ADAMTS17: variants seen among roughly 807,000 people sequenced by gnomAD.
The protein encoded by ADAMTS17 is ADAM metallopeptidase with thrombospondin type 1 motif 17.
A neutral mutation model predicts 141.5 loss-of-function variants in ADAMTS17; 113 were observed. That is an observed-to-expected ratio of 0.80 (90% CI 0.69 to 0.93). The LOEUF (loss-of-function observed/expected upper bound fraction) is 0.93. Ranked by LOEUF, ADAMTS17 falls within the 40% of genes least tolerant of loss-of-function variation. ADAMTS17 has a pLI of 0.00. For missense variants in ADAMTS17, 1,659 were observed against 1,517.9 expected (o/e 1.09, Z -1.54); for synonymous variants, 768 against 630.6 (o/e 1.22, Z -3.27).
intron 20 of ADAMTS17, among the ~76,000 whole-genome samples, chr15:99,977,418 TTTTTTTTTTTTG>T (rs2060385937): frequency 1.1e-5 from 1 of 88,888 alleles, no homozygotes; most frequent in African/African-American, 4.9e-5. Context: ...TTTTTTTTTT[TTTTTTTTTTTTG>T]AGATGGAGTC....
At chr15:100,152,492 T>G in intron 10 of ADAMTS17, 120 bp downstream of exon 10, 1 of 1,322,294 alleles carries the variant, frequency 7.6e-7, no homozygotes, top group Middle Eastern at 2.1e-4. Context: ...ATACCTGTGC[T>G]TGTGTGTGTA....
Position 100,286,965 on chromosome 15 carries a change from G to A in ADAMTS17, c.617-5564C>T, listed in dbSNP as rs7494871. On this transcript the variant is annotated intron_variant, in intron 3 of 21. Coordinates refer to ENST00000268070, the MANE Select transcript of ADAMTS17 (RefSeq NM_139057.4). ...TGGACTTTGCAAGGCCGAAGTGGGC[G>A]GATCACAAGGTCAAGAGATCGAGAC... 3.5e-3 allele frequency among the ~76,000 whole-genome samples: 527 copies of A among 152,282 alleles called. 2 individuals carry two copies. The highest frequency in any genetic ancestry group is 0.011 in the African/African-American group (475 of 41,546).
intron 10 of ADAMTS17, among the ~76,000 whole-genome samples, chr15:100,133,890 A>G (rs1193919921): frequency 1.3e-5 from 1 of 74,200 alleles, no homozygotes; most frequent in African/African-American, 3.9e-5. Flanking sequence ...AGCTCAGCTG[A>G]GCTGTGCACA....
intron 3 of ADAMTS17, among the ~76,000 whole-genome samples, chr15:100,282,581 C>T (rs140550498): frequency 6.6e-6 from 1 of 152,342 alleles, no homozygotes; most frequent in East Asian, 1.9e-4. Context: ...CTCAAAATCG[C>T]TCATTGTACT....
At position 99,973,464 on chromosome 15, in the gene ADAMTS17, G is replaced by A. The variant is rs1278764606; in HGVS notation, c.*938C>T. On this transcript the variant is annotated 3_prime_UTR_variant, in exon 22 of 22. Transcript: ENST00000268070. ...GGTCGGTAGAAAGCCACTGGGATGT[G>A]GTACAGCATCTCTAAGGTACAAAGC... The A allele has an allele frequency of 6.6e-6, 1 of 152,248 alleles. No homozygotes were observed. Among genetic ancestry groups the A allele is most frequent in the Non-Finnish European group, 1.5e-5 (1 of 68,084 alleles). The allele number at this position is 152,248 out of a possible 1,614,324, so 9.4% of individuals were successfully genotyped here. A position where few individuals can be genotyped will look rare whatever the true frequency, so the allele number is the denominator to read the frequency against.
rs565703977 is a variant in ADAMTS17, at chr15:100,161,906, G to C, written c.1182-6586C>G. 2.4e-4 allele frequency among the ~76,000 whole-genome samples: 37 copies of C among 152,306 alleles called. No homozygotes were observed. In the South Asian group the frequency reaches 7.7e-3, roughly 32 times the overall value. On this transcript the variant is annotated intron_variant, in intron 8 of 21. Coordinates refer to ENST00000268070, the MANE Select transcript of ADAMTS17 (RefSeq NM_139057.4). The stretch of plus-strand genomic sequence containing the variant: ...CGGAGAAGGTATTTGTTTGTGTTTT[G>C]TACAGAAAAATGAGCCCACCAGCTT...
At chr15:100,032,611 T>A (rs1436600125) in intron 18 of ADAMTS17, among the ~76,000 whole-genome samples, 4 of 152,184 alleles carry the variant, frequency 2.6e-5, no homozygotes, top group Non-Finnish European at 5.9e-5. Context: ...TTGCCCCGCT[T>A]TTGGATATCA....
intron 14 of ADAMTS17, among the ~76,000 whole-genome samples, chr15:100,099,725 A>G (rs1240900835): frequency 6.6e-6 from 1 of 151,962 alleles, no homozygotes; most frequent in Non-Finnish European, 1.5e-5. Context: ...CCACGGCATA[A>G]TTAAAGGCAT....
intron 7 of ADAMTS17, among the ~76,000 whole-genome samples, chr15:100,242,218 C>T (rs1160577386): frequency 2.0e-5 from 3 of 152,196 alleles, no homozygotes; most frequent in East Asian, 1.9e-4. Context: ...GCAATGGCTT[C>T]GGCATGACTG....
intron 7 of ADAMTS17, among the ~76,000 whole-genome samples, chr15:100,230,511 G>C (rs543568109): frequency 6.6e-6 from 1 of 152,296 alleles, no homozygotes; most frequent in African/African-American, 2.4e-5. Context: ...GGAGGAAACG[G>C]GGTTAGACTG....
At chr15:100,156,946 G>A (rs566419677) in intron 8 of ADAMTS17, among the ~76,000 whole-genome samples, 23 of 152,338 alleles carry the variant, frequency 1.5e-4, no homozygotes, top group African/African-American at 5.1e-4. Flanking sequence ...ACTTGAAACT[G>A]GGCAATTTTT....
chr15:100,254,326 G>A (rs757409190), intron 6 of ADAMTS17, 147 bp from the exon 7 acceptor site: 50 of 750,508 alleles, frequency 6.7e-5, no homozygotes, highest in Admixed American at 3.4e-4. Flanking sequence ...AAACAGCAGC[G>A]TTTGGCAACA....
rs528236863 is a variant in ADAMTS17, at chr15:100,030,648, T to C, written c.2591+18209A>G. On this transcript the variant is annotated intron_variant, in intron 18 of 21. Coordinates refer to ENST00000268070, the MANE Select transcript of ADAMTS17 (RefSeq NM_139057.4). ...GATGATACTATCTAAAGTTCACAAG[T>C]AGAGAGCTCAGAAGCATTCAAGAGG... Among the ~76,000 whole-genome samples, 4 of 152,302 alleles carry C rather than the reference T, an allele frequency of 2.6e-5. No homozygotes were observed. In the South Asian group the frequency reaches 8.3e-4, roughly 32 times the overall value.
intron 7 of ADAMTS17, among the ~76,000 whole-genome samples, chr15:100,202,136 G>A (rs1307090615): frequency 1.3e-5 from 2 of 152,150 alleles, no homozygotes; most frequent in African/African-American, 2.4e-5. Context: ...ATGCAGAACC[G>A]GCAGACCTCA....
At chr15:100,264,741 C>T (rs1257808949) in intron 4 of ADAMTS17, among the ~76,000 whole-genome samples, 6 of 151,942 alleles carry the variant, frequency 3.9e-5, no homozygotes, top group Non-Finnish European at 8.8e-5. Context: ...CAGTCGCCTC[C>T]CTTGGAACAA....
intron 14 of ADAMTS17, among the ~76,000 whole-genome samples, chr15:100,097,503 C>G (rs1194483272): frequency 2.0e-5 from 3 of 152,264 alleles, no homozygotes; most frequent in African/African-American, 7.2e-5. Context: ...GCAGGCAGGG[C>G]TTAGAGCTAG....
Position 100,077,237 on chromosome 15 carries a change from AG to A in ADAMTS17, c.2137+19118del, listed in dbSNP as rs946003464. On this transcript the variant is annotated intron_variant, in intron 15 of 21. Coordinates refer to ENST00000268070, the MANE Select transcript of ADAMTS17 (RefSeq NM_139057.4). ...GACAGGTGGAACACTTGAGGCCAGG[AG>A]TTTGCAACCAGCCTGGCCAACATGG... is the stretch of plus-strand genomic sequence containing the variant. Among the ~76,000 whole-genome samples the A allele has an allele frequency of 4.7e-5, 6 of 126,646 alleles. No individual in the cohort carries two copies. In the East Asian group the frequency reaches 7.9e-4, roughly 17 times the overall value. 83.1% of individuals were successfully genotyped at this position (126,646 alleles called of 152,430 possible).
intron 2 of ADAMTS17, among the ~76,000 whole-genome samples, chr15:100,339,635 CG>C (rs2141991198): frequency 9.0e-6 from 1 of 110,756 alleles, no homozygotes; most frequent in African/African-American, 3.7e-5. Context: ...CCACATTCCC[CG>C]CCCCAGGTCC....
rs2046377875 is a variant in ADAMTS17, at chr15:100,341,858, C to T, written c.42G>A (p.Val14=). 1.3e-6 allele frequency: 2 copies of T among 1,553,048 alleles called. No individual in the cohort carries two copies. Among genetic ancestry groups the T allele is most frequent in the South Asian group, 1.2e-5 (1 of 84,232 alleles). ...CCAGTCCCCAAACCAGCAGCAGCAGCACGGGCAGGACGAGCGGAGGCAGCA... is the reference window on the plus strand; with the variant it reads ...CCAGTCCCCAAACCAGCAGCAGCAGTACGGGCAGGACGAGCGGAGGCAGCA... ...GALLPPLVLP[V]LLLLVWGLDP... Residue 14 remains valine (V), a synonymous_variant, in exon 1 of 22, where the codon GTG becomes GTA. Coordinates refer to ENST00000268070, the MANE Select transcript of ADAMTS17 (RefSeq NM_139057.4).
Sources: allele counts gnomAD v4.1 joint callset (sites outside exome capture counted in the v4.1 genomes callset), GRCh38; gene constraint gnomAD v4.1.1; transcripts MANE v1.5; gene names NCBI Gene and HGNC (gene_info 2026-07-23, HGNC 2026-07-21).